Variants in ZNF385D observed in about 807,000 individuals in gnomAD.
The protein encoded by ZNF385D is zinc finger protein 659.
A neutral mutation model predicts 35.8 loss-of-function variants in ZNF385D; 15 were observed. The ratio of observed to expected loss-of-function variants is 0.42; its 90% CI spans 0.28 to 0.64. ZNF385D has a LOEUF of 0.64. ZNF385D is among the 30% of genes least tolerant of loss of function. The pLI is 0.23. For synonymous variants in ZNF385D, 212 were observed against 186.8 expected, an observed-to-expected ratio of 1.13 and a Z score of -1.10; for missense variants, 474 against 494.6, an observed-to-expected ratio of 0.96 and a Z score of 0.39.
intron 3 of ZNF385D, among the ~76,000 whole-genome samples, chr3:21,851,006 A>G (rs905933635): frequency 6.6e-5 from 10 of 152,094 alleles, no homozygotes; most frequent in Admixed American, 3.3e-4. Flanking sequence ...AATATAACTC[A>G]TAACTAGGCA....
chr3:21,522,329 T>A (rs1422944915), intron 3 of ZNF385D, among the ~76,000 whole-genome samples: 1 of 152,030 alleles, frequency 6.6e-6, no homozygotes, highest in Non-Finnish European at 1.5e-5. Context: ...ACAGAAAGCA[T>A]TGCTTTTGTT....
At chr3:21,764,150 T>G (rs73140845) in intron 3 of ZNF385D, among the ~76,000 whole-genome samples, 1 of 152,128 alleles carries the variant, frequency 6.6e-6, no homozygotes, top group African/African-American at 2.4e-5. Flanking sequence ...CATCAGAAAT[T>G]AGTCAGACAA....
intron 3 of ZNF385D, among the ~76,000 whole-genome samples, chr3:22,058,684 T>C (rs1483623144): frequency 6.6e-6 from 1 of 152,264 alleles, no homozygotes; most frequent in African/African-American, 2.4e-5. Flanking sequence ...GTTTTGTTTA[T>C]ATTTTAAAAT....
intron 3 of ZNF385D, among the ~76,000 whole-genome samples, chr3:21,972,970 T>A (rs772221988): frequency 6.6e-6 from 1 of 151,946 alleles, no homozygotes; most frequent in Non-Finnish European, 1.5e-5. Context: ...AGCGGCTTCA[T>A]TGCTGAATTT....
chr3:21,458,238 C>G (rs889281328), intron 4 of ZNF385D, among the ~76,000 whole-genome samples: 1 of 149,942 alleles, frequency 6.7e-6, no homozygotes, highest in African/African-American at 2.5e-5. Flanking sequence ...TTTAGGAGGC[C>G]AAGGCAAGAG....
chr3:22,206,565 G>C (rs535138618), intron 2 of ZNF385D, among the ~76,000 whole-genome samples: 1 of 151,668 alleles, frequency 6.6e-6, no homozygotes, highest in East Asian at 1.9e-4. Context: ...AAAAAAGAAA[G>C]AATTTCAAGT....
chr3:21,782,362 T>A lies in ZNF385D; in HGVS notation c.326-117334A>T, dbSNP rs531582728. Among the ~76,000 whole-genome samples the A allele has an allele frequency of 5.9e-5, 9 of 152,074 alleles. 1 individual carries two copies. The East Asian group carries it at 1.7e-3, about 30-fold the overall frequency. On this transcript the variant is annotated intron_variant, in intron 3 of 5. Coordinates refer to the ZNF385D transcript ENST00000494108. ...CTGCTACCTGGAGGAAATTCAGGAG[T>A]CAGAGAGTTTAAATATTTCTTTTAT...
chr3:21,660,006 G>A (rs904517453), intron 2 of ZNF385D, among the ~76,000 whole-genome samples: 17 of 151,934 alleles, frequency 1.1e-4, no homozygotes, highest in African/African-American at 3.4e-4. Context: ...AAAACTCCTC[G>A]ACTTGTTGAT....
intron 3 of ZNF385D, among the ~76,000 whole-genome samples, chr3:22,033,745 C>A (rs1698149582): frequency 6.6e-6 from 1 of 152,234 alleles, no homozygotes; most frequent in Non-Finnish European, 1.5e-5. Flanking sequence ...ACATAAAAAG[C>A]AATTTTCCAT....
intron 2 of ZNF385D, among the ~76,000 whole-genome samples, chr3:21,594,379 G>GT (rs1338474599): frequency 6.6e-6 from 1 of 152,124 alleles, no homozygotes; most frequent in African/African-American, 2.4e-5. Context: ...CGTGCAAGTA[G>GT]TTTTTTAATG....
At chr3:22,155,696 T>C (rs1378872489) in intron 3 of ZNF385D, among the ~76,000 whole-genome samples, 3 of 152,114 alleles carry the variant, frequency 2.0e-5, no homozygotes, top group Admixed American at 6.6e-5. Context: ...TTTTATAATA[T>C]TGTAATTTTT....
intron 2 of ZNF385D, among the ~76,000 whole-genome samples, chr3:22,338,678 C>A (rs1349329189): frequency 6.7e-6 from 1 of 149,542 alleles, no homozygotes; most frequent in Non-Finnish European, 1.5e-5. Flanking sequence ...AGTTAATGTG[C>A]AGCAAAACAT....
intron 4 of ZNF385D, among the ~76,000 whole-genome samples, chr3:21,443,817 A>G (rs958745692): frequency 6.6e-6 from 1 of 152,214 alleles, no homozygotes; most frequent in Non-Finnish European, 1.5e-5. Flanking sequence ...CCTTGTATGC[A>G]TTAAAAATTT....
chr3:21,902,566 G>C (rs1428881630), intron 3 of ZNF385D, among the ~76,000 whole-genome samples: 2 of 152,280 alleles, frequency 1.3e-5, no homozygotes, highest in South Asian at 2.1e-4. Context: ...TAAACGAAAA[G>C]AAAGGGGTTC....
At chr3:22,342,193 C>T (rs1321099985) in intron 2 of ZNF385D, among the ~76,000 whole-genome samples, 3 of 139,052 alleles carry the variant, frequency 2.2e-5, no homozygotes, top group African/African-American at 8.2e-5. Flanking sequence ...AGGAGAATGG[C>T]GTGAACCCAG....
intron 3 of ZNF385D, among the ~76,000 whole-genome samples, chr3:21,935,149 T>C (rs548958927): frequency 2.0e-5 from 3 of 152,170 alleles, no homozygotes; most frequent in African/African-American, 7.2e-5. Flanking sequence ...ATAAGTTGTA[T>C]AGAAAGAGAG....
intron 2 of ZNF385D, among the ~76,000 whole-genome samples, chr3:21,620,818 A>G (rs1468337783): frequency 6.6e-6 from 1 of 152,156 alleles, no homozygotes; most frequent in African/African-American, 2.4e-5. Flanking sequence ...CTCGAGGCAG[A>G]ATTGACAAGG....
In ZNF385D at chr3:22,041,224, C is replaced by T. The variant is rs188605345; in HGVS notation, c.325+127593G>A. On this transcript the variant is annotated intron_variant, in intron 3 of 5. Coordinates refer to the ZNF385D transcript ENST00000494108. The stretch of plus-strand genomic sequence containing the variant: ...AAGAGAAAAACTCTCTGAAAAATCT[C>T]TAGAAATGACACATGGTTGCATATC... 2.0e-5 allele frequency among the ~76,000 whole-genome samples: 3 copies of T among 152,172 alleles called. No homozygotes were observed. In the East Asian group the frequency reaches 5.8e-4, roughly 29 times the overall value.
At chr3:21,823,573 T>C (rs1037011147) in intron 3 of ZNF385D, among the ~76,000 whole-genome samples, 10 of 152,192 alleles carry the variant, frequency 6.6e-5, no homozygotes, top group African/African-American at 2.4e-4. Context: ...AAGTCAAGCG[T>C]TGCTATGTTC....
Sources: allele counts gnomAD v4.1 joint callset (sites outside exome capture counted in the v4.1 genomes callset), GRCh38; gene constraint gnomAD v4.1.1; transcripts MANE v1.5; gene names NCBI Gene and HGNC (gene_info 2026-07-23, HGNC 2026-07-21).